Variants in MACROH2A2 observed in about 807,000 individuals in gnomAD.
MACROH2A2 encodes the protein core histone macro-H2A.2.
MACROH2A2 carries 6 observed loss-of-function variants against 37.6 expected under a neutral mutation model. The observed-to-expected ratio is 0.16, with a 90% confidence interval of 0.09 to 0.32. MACROH2A2 has a LOEUF of 0.32. Among genes scored for constraint, MACROH2A2 ranks in the 10% least tolerant of loss-of-function variants. MACROH2A2 has a pLI of 1.00. For missense variants in MACROH2A2, 290 were observed against 485.9 expected (o/e 0.60, Z 3.79); for synonymous variants, 192 against 202.7 (o/e 0.95, Z 0.45).
At chr10:70,101,214 G>C (rs374133325) in intron 7 of MACROH2A2, among the ~76,000 whole-genome samples, 11 of 152,352 alleles carry the variant, frequency 7.2e-5, no homozygotes, top group African/African-American at 2.6e-4. Flanking sequence ...AAAGAAACAG[G>C]TGATGAGGAT....
intron 7 of MACROH2A2, among the ~76,000 whole-genome samples, chr10:70,101,676 T>C (rs2072307933): frequency 6.6e-6 from 1 of 152,178 alleles, no homozygotes; most frequent in Non-Finnish European, 1.5e-5. Context: ...CCTCAGGCCC[T>C]GGCAAGCACT....
At chr10:70,086,068 C>A (rs947730468) in intron 2 of MACROH2A2, among the ~76,000 whole-genome samples, 5 of 151,826 alleles carry the variant, frequency 3.3e-5, no homozygotes, top group Non-Finnish European at 4.4e-5. Flanking sequence ...ACTATCACAG[C>A]TCACTGCAGC....
intron 2 of MACROH2A2, among the ~76,000 whole-genome samples, chr10:70,082,687 C>T (rs545296522): frequency 1.2e-3 from 183 of 152,206 alleles, no homozygotes; most frequent in African/African-American, 4.1e-3. Flanking sequence ...TGAAGGATGG[C>T]AGACACAATA....
chr10:70,111,291 C>T (rs7899043), intron 8 of MACROH2A2, among the ~76,000 whole-genome samples: 59,334 of 151,832 alleles, frequency 0.39, 14,281 homozygotes, highest in African/African-American at 0.66. Context: ...TTAATTTAAT[C>T]AAATTAAATC....
intron 2 of MACROH2A2, among the ~76,000 whole-genome samples, chr10:70,079,526 G>A (rs1015045354): frequency 3.7e-4 from 55 of 150,400 alleles, no homozygotes; most frequent in Non-Finnish European, 5.0e-4. Flanking sequence ...AGACTGTGAC[G>A]GCCCTTGAAG....
intron 2 of MACROH2A2, among the ~76,000 whole-genome samples, chr10:70,088,285 GCACA>G (rs2072224055): frequency 6.6e-6 from 1 of 150,432 alleles, no homozygotes; most frequent in Non-Finnish European, 1.5e-5. Flanking sequence ...TCACGCACAC[GCACA>G]CATGCACACT....
intron 1 of MACROH2A2, among the ~76,000 whole-genome samples, chr10:70,061,657 C>T (rs1469583958): frequency 2.0e-5 from 3 of 151,896 alleles, no homozygotes; most frequent in African/African-American, 7.3e-5. Flanking sequence ...CTCTGAATGA[C>T]AAAGAATGTG....
intron 3 of MACROH2A2, 68 bp from the exon 4 acceptor site, chr10:70,091,689 A>G (rs979621635): frequency 4.4e-6 from 5 of 1,123,952 alleles, no homozygotes; most frequent in Non-Finnish European, 6.5e-6. Context: ...AAAAAAAAAA[A>G]AAGAACTGTA....
Position 70,095,636 on chromosome 10 carries a change from C to A in MACROH2A2, c.589-18C>A, listed in dbSNP as rs1016163215. 1.6e-5 allele frequency: 19 copies of A among 1,184,962 alleles called. No individual in the cohort carries two copies. The highest frequency in any genetic ancestry group is 7.2e-5 in the Admixed American group (4 of 55,174). 73.4% of individuals were successfully genotyped at this position (1,184,962 alleles called of 1,614,324 possible). ...ATTTTATCTTTTCCACATTCACCAC[C>A]TTTTCTTCCTAATGCAGCTGTCCTT... On this transcript the variant is annotated intron_variant, in intron 5 of 8. Transcript: ENST00000373255.
chr10:70,077,508 G>C (rs193231001), intron 2 of MACROH2A2, among the ~76,000 whole-genome samples: 6 of 152,016 alleles, frequency 3.9e-5, no homozygotes, highest in African/African-American at 9.7e-5. Context: ...TTGAACCCAG[G>C]AGTTGGAGGT....
intron 7 of MACROH2A2, 50 bp downstream of exon 7, chr10:70,100,347 C>T: frequency 2.0e-6 from 2 of 1,003,288 alleles, no homozygotes; most frequent in Non-Finnish European, 1.6e-6. Context: ...ACCCTCCTCT[C>T]TGGAGTCTCC....
intron 1 of MACROH2A2, among the ~76,000 whole-genome samples, chr10:70,072,280 C>A (rs1483455709): frequency 6.6e-6 from 1 of 151,504 alleles, no homozygotes; most frequent in African/African-American, 2.4e-5. Flanking sequence ...ACTTTTTAAA[C>A]TTCTGTTAAA....
chr10:70,111,097 C>T (rs1256829919), intron 8 of MACROH2A2, among the ~76,000 whole-genome samples: 1 of 151,894 alleles, frequency 6.6e-6, no homozygotes, highest in Non-Finnish European at 1.5e-5. Context: ...GGTGAAACCC[C>T]GTCTCTACTA....
chr10:70,108,511 T>G (rs1324899286), intron 7 of MACROH2A2, among the ~76,000 whole-genome samples: 6 of 152,228 alleles, frequency 3.9e-5, no homozygotes. Flanking sequence ...CACGGCCTTC[T>G]CCTGCCTTTG....
At chr10:70,058,699 C>T (rs1247369886) in intron 1 of MACROH2A2, among the ~76,000 whole-genome samples, 2 of 152,088 alleles carry the variant, frequency 1.3e-5, no homozygotes, top group Non-Finnish European at 2.9e-5. Context: ...CTCCTGCCTT[C>T]ACTGCTCAAT....
intron 1 of MACROH2A2, among the ~76,000 whole-genome samples, chr10:70,063,586 T>G (rs1176056927): frequency 6.6e-6 from 1 of 152,224 alleles, no homozygotes; most frequent in African/African-American, 2.4e-5. Context: ...GTTGAGCTGT[T>G]TCTCCTCAGC....
In MACROH2A2 at chr10:70,070,537, G is replaced by A. The variant is rs976480609; in HGVS notation, c.-59-5063G>A. 3.3e-5 allele frequency among the ~76,000 whole-genome samples: 5 copies of A among 152,222 alleles called. No individual in the cohort carries two copies. The East Asian group carries it at 9.6e-4, about 29-fold the overall frequency. On this transcript the variant is annotated intron_variant, in intron 1 of 8. Transcript: ENST00000373255. Reference sequence around the variant, plus strand: ...GACGGAGTTTCGCTGTCGTTGCCCAGCAGGAGTGCAATGGTACAATCTCGG... The same window carrying A: ...GACGGAGTTTCGCTGTCGTTGCCCAACAGGAGTGCAATGGTACAATCTCGG...
chr10:70,098,018 G>C (rs2136639087), intron 6 of MACROH2A2, among the ~76,000 whole-genome samples: 1 of 152,170 alleles, frequency 6.6e-6, no homozygotes, highest in East Asian at 1.9e-4. Flanking sequence ...GAGGTGGGCG[G>C]ACCACTTGAG....
intron 1 of MACROH2A2, among the ~76,000 whole-genome samples, chr10:70,074,397 A>G (rs2072128234): frequency 6.6e-6 from 1 of 152,206 alleles, no homozygotes; most frequent in Non-Finnish European, 1.5e-5. Flanking sequence ...CTATGTTTGC[A>G]TACCACACAT....
Sources: allele counts gnomAD v4.1 joint callset (sites outside exome capture counted in the v4.1 genomes callset), GRCh38; gene constraint gnomAD v4.1.1; transcripts MANE v1.5; gene names NCBI Gene and HGNC (gene_info 2026-07-23, HGNC 2026-07-21).